VCPIP1: variants seen among roughly 807,000 people sequenced by gnomAD.
VCPIP1 encodes deubiquitinating protein VCPIP1.
VCPIP1 carries 8 observed loss-of-function variants against 85.0 expected under a neutral mutation model. The observed-to-expected ratio is 0.09, with a 90% CI of 0.06 to 0.17. VCPIP1 has a LOEUF of 0.17. Ranked by LOEUF, VCPIP1 falls within the 10% of genes least tolerant of loss-of-function variation. The pLI is 1.00. For synonymous variants in VCPIP1, 543 were observed against 544.5 expected, an observed-to-expected ratio of 1.00 and a Z score of 0.04; for missense variants, 1,070 against 1,486.3, an observed-to-expected ratio of 0.72 and a Z score of 4.61.
chr8:66,651,386 A>G (rs1586626538), intron 2 of VCPIP1, 72 bp downstream of exon 2: 2 of 1,165,370 alleles, frequency 1.7e-6, no homozygotes, highest in Non-Finnish European at 2.4e-6. Context: ...GTAGAAAACT[A>G]TATGAACTTT....
At chr8:66,659,466 C>T (rs2130178410) in intron 1 of VCPIP1, among the ~76,000 whole-genome samples, 1 of 152,098 alleles carries the variant, frequency 6.6e-6, no homozygotes, top group South Asian at 2.1e-4. Context: ...TTTATAGTTC[C>T]TAAGATTCAA....
At position 66,632,773 on chromosome 8, in the gene VCPIP1, C is replaced by T. The variant is rs997534016; in HGVS notation, c.*1728G>A. ...TCGTAGTTTAATACACAGAAGCCAC[C>T]TTTACTAAGTAGTAAATAGTATTTG... On this transcript the variant is annotated 3_prime_UTR_variant, in exon 3 of 3. Coordinates refer to ENST00000310421, the MANE Select transcript of VCPIP1 (RefSeq NM_025054.5). The T allele has an allele frequency of 3.3e-4, 50 of 152,116 alleles. No homozygotes were observed. Among genetic ancestry groups the T allele is most frequent in the African/African-American group, 1.2e-3 (50 of 41,542 alleles). 9.4% of individuals were successfully genotyped at this position (152,116 alleles called of 1,614,324 possible). A position where few individuals can be genotyped will look rare whatever the true frequency, so the allele number is the denominator to read the frequency against.
At position 66,665,157 on chromosome 8, in the gene VCPIP1, C is replaced by G. The variant is rs910264733; in HGVS notation, c.1802G>C (p.Arg601Thr). The part of the protein sequence containing the change: ...AFPITLEWGG[R>T]VVRETVYWFQ... The stretch of plus-strand genomic sequence containing the variant: ...CCAATATACTGTTTCTCTGACCACT[C>G]TTCCACCCCATTCTAAAGTAATAGG... The change falls in exon 1 of 3, where the codon AGA (arginine) becomes ACA (threonine). Residue 601 changes from arginine to threonine, a missense_variant. Physicochemically the swap from Arg to Thr is moderately conservative, Grantham distance 71. Coordinates refer to ENST00000310421, the MANE Select transcript of VCPIP1 (RefSeq NM_025054.5). This position sits in a 1 kb window ranked among gnomAD's most constrained non-coding sequence, Gnocchi z 4.3. The G allele has an allele frequency of 5.0e-6, 8 of 1,611,818 alleles. No individual in the cohort carries two copies. The highest frequency in any genetic ancestry group is 6.8e-6 in the Non-Finnish European group (8 of 1,178,596).
At chr8:66,635,947 G>A (rs1045318355) in intron 2 of VCPIP1, among the ~76,000 whole-genome samples, 1 of 150,450 alleles carries the variant, frequency 6.6e-6, no homozygotes, top group Non-Finnish European at 1.5e-5. Flanking sequence ...TGGAGCTTGA[G>A]GCCAGGTGCA....
intron 2 of VCPIP1, among the ~76,000 whole-genome samples, chr8:66,638,253 G>A (rs762946649): frequency 1.8e-4 from 27 of 152,148 alleles, no homozygotes; most frequent in Non-Finnish European, 1.0e-4. Context: ...CACTAGGGGA[G>A]GCAGAGGCAA....
intron 1 of VCPIP1, among the ~76,000 whole-genome samples, chr8:66,653,944 C>T (rs866245713): frequency 1.6e-4 from 24 of 152,206 alleles, no homozygotes; most frequent in African/African-American, 5.8e-4. Context: ...GCAATATGGC[C>T]CCACTGTTCC....
rs1445935128 is a variant in VCPIP1, at chr8:66,631,312, T to G, written c.*3189A>C. ...TGTAATTAATGACAGAAGTAAATTT[T>G]TTACCTAAAGGTTAGTTATTAGTGA... is the stretch of plus-strand genomic sequence containing the variant. On this transcript the variant is annotated 3_prime_UTR_variant, in exon 3 of 3. Coordinates refer to ENST00000310421, the MANE Select transcript of VCPIP1 (RefSeq NM_025054.5). The G allele has an allele frequency of 6.5e-6, 1 of 152,680 alleles. No homozygotes were observed. The highest frequency in any genetic ancestry group is 1.5e-5 in the Non-Finnish European group (1 of 67,988). 9.5% of individuals were successfully genotyped at this position (152,680 alleles called of 1,614,324 possible).
intron 2 of VCPIP1, 87 bp from the exon 3 acceptor site, chr8:66,635,459 A>T: frequency 7.8e-7 from 1 of 1,289,040 alleles, no homozygotes; most frequent in Non-Finnish European, 1.0e-6. Context: ...AAAATAATGA[A>T]TTTTAAATAA....
intron 1 of VCPIP1, among the ~76,000 whole-genome samples, chr8:66,653,016 T>TG (rs1811068193): frequency 6.6e-6 from 1 of 152,250 alleles, no homozygotes; most frequent in Non-Finnish European, 1.5e-5. Flanking sequence ...CTCAGAGTTC[T>TG]AATCCCACCT....
chr8:66,637,104 G>A (rs1190161909), intron 2 of VCPIP1, among the ~76,000 whole-genome samples: 3 of 152,046 alleles, frequency 2.0e-5, no homozygotes, highest in Admixed American at 6.6e-5. Flanking sequence ...TGAGGCGGGA[G>A]GATCGCTTGG....
chr8:66,648,932 G>C (rs900492397), intron 2 of VCPIP1, among the ~76,000 whole-genome samples: 4 of 152,028 alleles, frequency 2.6e-5, no homozygotes, highest in African/African-American at 9.7e-5. Context: ...GGCCGATGCA[G>C]GAAGATCACC....
chr8:66,648,929 G>A (rs1043351844), intron 2 of VCPIP1, among the ~76,000 whole-genome samples: 7 of 152,082 alleles, frequency 4.6e-5, no homozygotes, highest in African/African-American at 1.7e-4. Context: ...GGAGGCCGAT[G>A]CAGGAAGATC....
At chr8:66,638,725 G>C (rs1810914447) in intron 2 of VCPIP1, among the ~76,000 whole-genome samples, 1 of 151,872 alleles carries the variant, frequency 6.6e-6, no homozygotes, top group Non-Finnish European at 1.5e-5. Context: ...TTTGCAGTGA[G>C]CCGAGATCAC....
chr8:66,642,976 A>T (rs965694241), intron 2 of VCPIP1, among the ~76,000 whole-genome samples: 26 of 152,218 alleles, frequency 1.7e-4, no homozygotes, highest in Non-Finnish European at 3.5e-4. Flanking sequence ...AGAATTTAAA[A>T]AAAGAAGAAA....
chr8:66,663,949 TA>T (rs1357083880), intron 1 of VCPIP1, among the ~76,000 whole-genome samples: 2 of 152,270 alleles, frequency 1.3e-5, no homozygotes, highest in African/African-American at 4.8e-5. Context: ...CCAAAAAATT[TA>T]AAACGCTTTA....
At chr8:66,655,015 C>T (rs996087111) in intron 1 of VCPIP1, among the ~76,000 whole-genome samples, 1 of 152,138 alleles carries the variant, frequency 6.6e-6, no homozygotes, top group African/African-American at 2.4e-5. Flanking sequence ...ATAATTGTTA[C>T]GTATCATTTA....
Position 66,632,791 on chromosome 8 carries a change from A to G in VCPIP1, c.*1710T>C, listed in dbSNP as rs1341973238. On this transcript the variant is annotated 3_prime_UTR_variant, in exon 3 of 3. Coordinates refer to ENST00000310421, the MANE Select transcript of VCPIP1 (RefSeq NM_025054.5). Reference sequence around the variant, plus strand: ...AAGCCACCTTTACTAAGTAGTAAATAGTATTTGGTAGCTACAGCTCTTATT... The same window carrying G: ...AAGCCACCTTTACTAAGTAGTAAATGGTATTTGGTAGCTACAGCTCTTATT... The G allele has an allele frequency of 1.3e-5, 2 of 152,122 alleles. No homozygotes were observed. The highest frequency in any genetic ancestry group is 2.4e-5 in the African/African-American group (1 of 41,450). 9.4% of individuals were successfully genotyped at this position (152,122 alleles called of 1,614,324 possible). A position where few individuals can be genotyped will look rare whatever the true frequency, so the allele number is the denominator to read the frequency against.
chr8:66,655,264 C>T lies in VCPIP1; in HGVS notation c.2711-3720G>A, dbSNP rs574987522. Among the ~76,000 whole-genome samples the T allele has an allele frequency of 5.3e-5, 8 of 152,336 alleles. 1 individual carries two copies. In the East Asian group the frequency reaches 1.3e-3, roughly 26 times the overall value. ...GCCTCGCACAGTGCTGAACAGATGGCAACACTCATAGTATTGGTTGAATGA... is the reference window on the plus strand; with the variant it reads ...GCCTCGCACAGTGCTGAACAGATGGTAACACTCATAGTATTGGTTGAATGA... On this transcript the variant is annotated intron_variant, in intron 1 of 2. Transcript: ENST00000310421.
At position 66,665,138 on chromosome 8, in the gene VCPIP1, T is replaced by C. The variant is rs745646108; in HGVS notation, c.1821A>G (p.Val607=). The C allele has an allele frequency of 3.7e-6, 6 of 1,612,330 alleles. No homozygotes were observed. The highest frequency in any genetic ancestry group is 5.1e-6 in the Non-Finnish European group (6 of 1,178,856). The change falls in exon 1 of 3, where the codon GTA becomes GTG. Residue 607 remains valine, a synonymous_variant. Transcript: ENST00000310421. This position sits in a 1 kb window ranked among gnomAD's most constrained non-coding sequence, Gnocchi z 4.3. ...AATCACTTTCATACTGGAACCAATA[T>C]ACTGTTTCTCTGACCACTCTTCCAC... ...EWGGRVVRET[V]YWFQYESDSS...
Sources: gnomAD v4.1 joint callset for allele counts (sites outside exome capture counted in the v4.1 genomes callset) on GRCh38, gnomAD v4.1.1 for gene constraint, Gnocchi (gnomAD v3.1) non-coding constraint, MANE v1.5 for transcripts, NCBI Gene and HGNC (gene_info 2026-07-23, HGNC 2026-07-21) for gene names.